Variants in UQCRC2 observed in about 807,000 individuals in gnomAD.
The protein encoded by UQCRC2 is cytochrome b-c1 complex subunit 2, mitochondrial.
Under a neutral mutation model 55.6 loss-of-function variants are expected in UQCRC2, and 49 were observed. The ratio of observed to expected loss-of-function variants is 0.88; its 90% CI spans 0.70 to 1.12. The LOEUF is 1.12. UQCRC2 is among the 50% of genes most tolerant of loss of function. The pLI is 0.00. For missense variants in UQCRC2, 506 were observed against 547.8 expected, an observed-to-expected ratio of 0.92 and a Z score of 0.76; for synonymous variants, 193 against 192.0, an observed-to-expected ratio of 1.01 and a Z score of -0.04.
At chr16:21,966,653 T>C (rs1438360846) in intron 7 of UQCRC2, among the ~76,000 whole-genome samples, 1 of 152,246 alleles carries the variant, frequency 6.6e-6, no homozygotes, top group African/African-American at 2.4e-5. Context: ...TTCATTCATA[T>C]GGCACTTTTA....
At chr16:21,960,265 G>A (rs997694988) in intron 4 of UQCRC2, among the ~76,000 whole-genome samples, 5 of 152,162 alleles carry the variant, frequency 3.3e-5, no homozygotes, top group African/African-American at 4.8e-5. Context: ...TTCTATATTA[G>A]CATTTGCTGC....
intron 1 of UQCRC2, among the ~76,000 whole-genome samples, chr16:21,955,078 A>G (rs1470724968): frequency 1.4e-5 from 2 of 141,070 alleles, no homozygotes; most frequent in African/African-American, 5.3e-5. Flanking sequence ...AAAAAAAATT[A>G]CCAACAAAGA....
chr16:21,955,002 C>T (rs1898065885), intron 1 of UQCRC2, among the ~76,000 whole-genome samples: 1 of 147,578 alleles, frequency 6.8e-6, no homozygotes, highest in Admixed American at 7.0e-5. Context: ...TTGCAGTGAG[C>T]CGAGATCGCA....
chr16:21,976,910 T>A (rs568706917), intron 12 of UQCRC2: 1 of 152,258 alleles, frequency 6.6e-6, no homozygotes, highest in East Asian at 1.9e-4. Context: ...AAAATACACT[T>A]GTGCATTTTC....
chr16:21,961,626 T>TTATAAATATATA (rs1898201013), intron 4 of UQCRC2, among the ~76,000 whole-genome samples: 1 of 64,476 alleles, frequency 1.6e-5, no homozygotes. Flanking sequence ...AACATAAAAT[T>TTATAAATATATA]TATATATATA....
At chr16:21,980,163 G>C in intron 12 of UQCRC2, 1 of 201,140 alleles carries the variant, frequency 5.0e-6, no homozygotes, top group South Asian at 1.1e-4. Context: ...GTGGGCAGGA[G>C]AAAGAGCATG....
intron 10 of UQCRC2, among the ~76,000 whole-genome samples, chr16:21,972,640 C>T (rs577752048): frequency 5.3e-5 from 8 of 152,228 alleles, no homozygotes; most frequent in African/African-American, 9.6e-5. Flanking sequence ...TCTGAGAGGC[C>T]GAGGTGGGCG....
chr16:21,966,679 T>C (rs189519466), intron 7 of UQCRC2, among the ~76,000 whole-genome samples: 1 of 152,350 alleles, frequency 6.6e-6, no homozygotes, highest in East Asian at 1.9e-4. Context: ...AAATTTTAAC[T>C]TACATCATCC....
intron 7 of UQCRC2, among the ~76,000 whole-genome samples, chr16:21,966,661 T>G (rs1898334785): frequency 6.6e-6 from 1 of 152,248 alleles, no homozygotes; most frequent in African/African-American, 2.4e-5. Context: ...TATGGCACTT[T>G]TATTTAGAAA....
rs765790110 is a variant in UQCRC2 at position 21,953,382 on chromosome 16, C to G, written c.-42C>G. 2 of 1,608,890 alleles carry G rather than the reference C, an allele frequency of 1.2e-6. No individual in the cohort carries two copies. Among genetic ancestry groups the G allele is most frequent in the South Asian group, 2.2e-5 (2 of 89,766 alleles). On this transcript the variant is annotated 5_prime_UTR_variant, in exon 1 of 14. Coordinates refer to ENST00000268379, the MANE Select transcript of UQCRC2 (RefSeq NM_003366.4). ...CGGCCTCCGCCACCATCTTGCTTTC[C>G]TTTAATCCGGCAGTGACCGTGTGTC...
At chr16:21,956,800 C>T (rs1272136958) in intron 1 of UQCRC2, among the ~76,000 whole-genome samples, 4 of 152,092 alleles carry the variant, frequency 2.6e-5, no homozygotes, top group South Asian at 2.1e-4. Flanking sequence ...CAGTGGCTCA[C>T]GCCTGTAATT....
chr16:21,971,972 A>G lies in UQCRC2; in HGVS notation c.816A>G (p.Val272=). Residue 272 remains valine (V), a synonymous_variant, in exon 10 of 14, where the codon GTA becomes GTG. Coordinates refer to ENST00000268379, the MANE Select transcript of UQCRC2 (RefSeq NM_003366.4). The stretch of plus-strand genomic sequence containing the variant: ...ACAGTCTTGTCCATGCTGCTTTTGT[A>G]GCAGAAAGTGCTGTCGCGGGAAGTG... The part of the protein sequence containing the change: ...NGDSLVHAAF[V]AESAVAGSAE... 1.1e-5 allele frequency: 17 copies of G among 1,614,146 alleles called. No homozygotes were observed. Among genetic ancestry groups the G allele is most frequent in the Non-Finnish European group, 1.4e-5 (17 of 1,180,040 alleles).
At chr16:21,962,667 A>G (rs1464797621) in intron 5 of UQCRC2, 94 bp from the exon 6 acceptor site, 44 of 1,597,906 alleles carry the variant, frequency 2.8e-5, no homozygotes, top group Admixed American at 1.7e-4. Flanking sequence ...CACAAGACCT[A>G]AAGTTTCACA....
Position 21,971,811 on chromosome 16 carries a change from G to A in UQCRC2, c.767-112G>A, listed in dbSNP as rs760467098. The A allele has an allele frequency of 2.3e-4, 334 of 1,477,078 alleles. 2 individuals are homozygous for A. The highest frequency in any genetic ancestry group is 3.2e-4 in the East Asian group (14 of 43,770). The allele number at this position is 1,477,078 out of a possible 1,614,324, so 91.5% of individuals were successfully genotyped here. On this transcript the variant is annotated intron_variant, in intron 9 of 13. Transcript: ENST00000268379. Reference sequence around the variant, plus strand: ...GACAGGATGGCATGGGGAAAGCACCGAGCTGCAGAAAAGACTCGTGGGTTA... The same window carrying A: ...GACAGGATGGCATGGGGAAAGCACCAAGCTGCAGAAAAGACTCGTGGGTTA...
rs553513422 is a variant in UQCRC2, at chr16:21,965,285, C to T, written c.515-123C>T. 1.9e-5 allele frequency: 15 copies of T among 770,322 alleles called. No individual in the cohort carries two copies. In the Admixed American group the frequency reaches 2.0e-4, roughly 10 times the overall value. The allele number at this position is 770,322 out of a possible 1,614,324, so 47.7% of individuals were successfully genotyped here. A position where few individuals can be genotyped will look rare whatever the true frequency, so the allele number is the denominator to read the frequency against. ...GGTTAAATAATAATAAATTTTAAGT[C>T]CTCTTAACATATGAATGCCAGAAGA... On this transcript the variant is annotated intron_variant, in intron 6 of 13. Coordinates refer to ENST00000268379, the MANE Select transcript of UQCRC2 (RefSeq NM_003366.4).
At position 21,971,995 on chromosome 16, in the gene UQCRC2, G is replaced by A. The variant is rs762170081; in HGVS notation, c.839G>A (p.Ser280Asn). ...AFVAESAVAG[S>N]AEANAFSVLQ... ...GTAGCAGAAAGTGCTGTCGCGGGAA[G>A]TGCAGAGGCAAATGCATTTAGTGTT... Residue 280 changes from serine (S) to asparagine (N), a missense_variant, in exon 10 of 14, where the codon AGT becomes AAT. Transcript: ENST00000268379. 6.2e-7 allele frequency: 1 copy of A among 1,614,190 alleles called. No homozygotes were observed. Among genetic ancestry groups the A allele is most frequent in the Admixed American group, 1.7e-5 (1 of 60,026 alleles).
chr16:21,962,663 A>G (rs1898231852), intron 5 of UQCRC2, 98 bp from the exon 6 acceptor site: 2 of 1,596,204 alleles, frequency 1.3e-6, no homozygotes, highest in East Asian at 4.5e-5. Flanking sequence ...TTACCACAAG[A>G]CCTAAAGTTT....
chr16:21,957,347 G>A (rs772681445), intron 2 of UQCRC2, 29 bp downstream of exon 2: 2 of 1,613,992 alleles, frequency 1.2e-6, no homozygotes, highest in Non-Finnish European at 1.7e-6. Flanking sequence ...CTCGCTGGAA[G>A]CTATACATGC....
chr16:21,976,286 A>G (rs1226042557), intron 12 of UQCRC2, 43 bp downstream of exon 12: 2 of 1,477,602 alleles, frequency 1.4e-6, no homozygotes, highest in East Asian at 2.3e-5. Context: ...TTGTTATTTG[A>G]AAGTTGTATT....
Sources: gnomAD v4.1 joint callset for allele counts (sites outside exome capture counted in the v4.1 genomes callset) on GRCh38, gnomAD v4.1.1 for gene constraint, MANE v1.5 for transcripts, NCBI Gene and HGNC (gene_info 2026-07-23, HGNC 2026-07-21) for gene names.